ZER1: variants seen among roughly 807,000 people sequenced by gnomAD.
ZER1 encodes the protein protein zer-1 homolog.
ZER1 carries 11 observed loss-of-function variants against 78.8 expected under a neutral mutation model. The ratio of observed to expected loss-of-function variants is 0.14; its 90% CI spans 0.09 to 0.23. The LOEUF is 0.23. Among genes scored for constraint, ZER1 ranks in the 10% least tolerant of loss-of-function variants. The pLI, the probability that ZER1 is intolerant of heterozygous loss-of-function variation, is 1.00. For missense variants in ZER1, 588 were observed against 996.9 expected (o/e 0.59, Z 5.52); for synonymous variants, 400 against 407.0 (o/e 0.98, Z 0.21).
rs766382790 is a variant in ZER1 at position 128,751,887 on chromosome 9, G to C, written c.924-360C>G. Among the ~76,000 whole-genome samples, 133 of 152,172 alleles carry C rather than the reference G, an allele frequency of 8.7e-4. 1 individual carries two copies. The highest frequency in any genetic ancestry group is 1.0e-3 in the Non-Finnish European group (68 of 68,024). ...TATGGGTGGCCAGTTACAGCTGGTA[G>C]GGTTTGGTCAAACTTCTCAACCAAC... On this transcript the variant is annotated intron_variant, in intron 5 of 15. Coordinates refer to ENST00000291900, the MANE Select transcript of ZER1 (RefSeq NM_006336.4). This position sits in a 1 kb window ranked among gnomAD's most constrained non-coding sequence, Gnocchi z 5.4.
chr9:128,766,218 G>A (rs1391783073), intron 1 of ZER1, among the ~76,000 whole-genome samples: 4 of 151,828 alleles, frequency 2.6e-5, no homozygotes, highest in Non-Finnish European at 5.9e-5. Flanking sequence ...GCGTGGTGGC[G>A]GGCGCCTATA....
At position 128,755,220 on chromosome 9, in the gene ZER1, C is replaced by A. The variant is rs1863816914; in HGVS notation, c.158+188G>T. Reference sequence around the variant, plus strand: ...CTCCACACACACACCAACACACACACATATACACCTTTACGGTTATGGATA... The same window carrying A: ...CTCCACACACACACCAACACACACAAATATACACCTTTACGGTTATGGATA... On this transcript the variant is annotated intron_variant, in intron 2 of 15. Transcript: ENST00000291900. This position sits in a 1 kb window ranked among gnomAD's most constrained non-coding sequence, Gnocchi z 5.6. Among the ~76,000 whole-genome samples the A allele has an allele frequency of 6.6e-6, 1 of 152,112 alleles. No homozygotes were observed. The highest frequency in any genetic ancestry group is 2.4e-5 in the African/African-American group (1 of 41,408).
At chr9:128,765,716 A>G (rs1864186274) in intron 1 of ZER1, among the ~76,000 whole-genome samples, 2 of 152,206 alleles carry the variant, frequency 1.3e-5, no homozygotes, top group African/African-American at 4.8e-5. Context: ...TACAGAGGCT[A>G]GACGCTTTCC....
intron 1 of ZER1, among the ~76,000 whole-genome samples, chr9:128,766,347 CAAAA>C (rs1190668112): frequency 3.7e-5 from 2 of 53,434 alleles, no homozygotes; most frequent in Non-Finnish European, 4.4e-5. Context: ...GATTCCATCT[CAAAA>C]AAAAAAAAAA....
At chr9:128,760,811 T>TAA (rs202094907) in intron 1 of ZER1, among the ~76,000 whole-genome samples, 16 of 139,352 alleles carry the variant, frequency 1.1e-4, no homozygotes, top group Admixed American at 3.6e-4. Context: ...AGACTCCGTT[T>TAA]AAAAAAAAAA....
intron 8 of ZER1, 63 bp from the exon 9 acceptor site, chr9:128,742,808 G>A: frequency 6.7e-7 from 1 of 1,503,234 alleles, no homozygotes; most frequent in Non-Finnish European, 9.0e-7. Flanking sequence ...AGGGCTCTAG[G>A]AACTATCTAG....
chr9:128,767,914 G>A (rs1337540165), intron 1 of ZER1, among the ~76,000 whole-genome samples: 1 of 152,102 alleles, frequency 6.6e-6, no homozygotes, highest in East Asian at 1.9e-4. Flanking sequence ...CCAGTGACAG[G>A]GCCTCGGCTC....
chr9:128,734,142 A>ATATATATATATATATATATATATATAT (rs1372132455), intron 14 of ZER1, among the ~76,000 whole-genome samples: 6 of 19,636 alleles, frequency 3.1e-4, no homozygotes, highest in Non-Finnish European at 4.7e-4. Context: ...AAAAAAAAAA[A>ATATATATATATATATATATATATATAT]AAATATATAT....
Position 128,729,996 on chromosome 9 carries a change from G to C in ZER1, c.*1341C>G, listed in dbSNP as rs557106399. On this transcript the variant is annotated 3_prime_UTR_variant, in exon 16 of 16. Transcript: ENST00000291900. ...CACTTCCCAGGGCCGGGAGGGAGAG[G>C]CTCCAGGAGAAAAAGGCCAGGTGTC... The C allele has an allele frequency of 2.6e-5, 4 of 152,494 alleles. No individual in the cohort carries two copies. Among genetic ancestry groups the C allele is most frequent in the African/African-American group, 9.6e-5 (4 of 41,592 alleles). The allele number at this position is 152,494 out of a possible 1,614,324, so 9.4% of individuals were successfully genotyped here. A position where few individuals can be genotyped will look rare whatever the true frequency, so the allele number is the denominator to read the frequency against.
Position 128,754,038 on chromosome 9 carries a change from C to A in ZER1, c.159-79G>T. 2.0e-6 allele frequency: 3 copies of A among 1,507,124 alleles called. No individual in the cohort carries two copies. Among genetic ancestry groups the A allele is most frequent in the East Asian group, 4.9e-5 (2 of 40,468 alleles). The allele number at this position is 1,507,124 out of a possible 1,614,324, so 93.4% of individuals were successfully genotyped here. On this transcript the variant is annotated intron_variant, in intron 2 of 15. Coordinates refer to ENST00000291900, the MANE Select transcript of ZER1 (RefSeq NM_006336.4). This position sits in a 1 kb window ranked among gnomAD's most constrained non-coding sequence, Gnocchi z 4.3. ...GCTTCAAAGCCAAGCCCTCCTCCCC[C>A]TGAAGCTTTCTTGGATCACCCCAAG...
At position 128,750,642 on chromosome 9, in the gene ZER1, C is replaced by G; in HGVS notation, c.1333G>C (p.Gly445Arg). Residue 445 changes from glycine (G) to arginine (R), a missense_variant, in exon 8 of 16, where the codon GGC (glycine) becomes CGC (arginine). By Grantham distance (125) the Gly-to-Arg change is moderately radical. Transcript: ENST00000291900. ...GTCACCTCCTGGTAGGATTCCATGC[C>G]ATTCAGCACCACCTGGATAACCTGC... Reference protein sequence around the residue: ...RRQVIQVVLNGMESYQEVTVQ... With the variant: ...RRQVIQVVLNRMESYQEVTVQ... 6.2e-7 allele frequency: 1 copy of G among 1,614,168 alleles called. No individual in the cohort carries two copies. The highest frequency in any genetic ancestry group is 8.5e-7 in the Non-Finnish European group (1 of 1,180,000).
Position 128,754,940 on chromosome 9 carries a change from C to T in ZER1, c.158+468G>A, listed in dbSNP as rs1488208871. 6.6e-6 allele frequency among the ~76,000 whole-genome samples: 1 copy of T among 152,198 alleles called. No homozygotes were observed. The highest frequency in any genetic ancestry group is 1.5e-5 in the Non-Finnish European group (1 of 68,040). ...CCATTCAGATTTTCTGGATGATTCA[C>T]TCCCTGATCATGGATCCGTTATTCT... On this transcript the variant is annotated intron_variant, in intron 2 of 15. Coordinates refer to ENST00000291900, the MANE Select transcript of ZER1 (RefSeq NM_006336.4). This position sits in a 1 kb window ranked among gnomAD's most constrained non-coding sequence, Gnocchi z 4.3.
chr9:128,755,935 T>C lies in ZER1; in HGVS notation c.-94-276A>G, dbSNP rs538816449. On this transcript the variant is annotated intron_variant, in intron 1 of 15. Coordinates refer to ENST00000291900, the MANE Select transcript of ZER1 (RefSeq NM_006336.4). The surrounding 1 kb of genome is among the most constrained non-coding windows in gnomAD (Gnocchi z 5.6). ...GGACCCAGTGCTTGGGTGGGGATAA[T>C]ACAGATTTTCACTCTTCAGCTTCCC... Among the ~76,000 whole-genome samples, 1 of 152,304 alleles carries C rather than the reference T, an allele frequency of 6.6e-6. No individual in the cohort carries two copies. Among genetic ancestry groups the C allele is most frequent in the East Asian group, 1.9e-4 (1 of 5,180 alleles).
intron 14 of ZER1, 30 bp downstream of exon 14, chr9:128,735,304 T>A (rs1469407005): frequency 4.4e-6 from 7 of 1,591,340 alleles, no homozygotes; most frequent in Non-Finnish European, 6.0e-6. Context: ...GCTGGATGAG[T>A]GTCTGAACCC....
Position 128,742,542 on chromosome 9 carries a change from C to A in ZER1, c.1563G>T (p.Met521Ile). 1 of 1,614,120 alleles carries A rather than the reference C, an allele frequency of 6.2e-7. No individual in the cohort carries two copies. Among genetic ancestry groups the A allele is most frequent in the South Asian group, 1.1e-5 (1 of 91,080 alleles). Reference sequence around the variant, plus strand: ...CCCCCACACGTACCACGACAAAGCCCATCTTGCCCACGGCCTCCTTGTGGT... The same window carrying A: ...CCCCCACACGTACCACGACAAAGCCAATCTTGCCCACGGCCTCCTTGTGGT... ...DNDHKEAVGK[M>I]GFVVTMLKLI... The change falls in exon 9 of 16, where the codon ATG (methionine) becomes ATT (isoleucine). Residue 521 changes from methionine (M) to isoleucine (I), a missense_variant. Physicochemically the swap from Met to Ile is conservative, Grantham distance 10. This residue lies in a region of ZER1 where 60 missense variants were observed against 163.3 expected (regional missense o/e 0.37). Coordinates refer to ENST00000291900, the MANE Select transcript of ZER1 (RefSeq NM_006336.4).
rs991117327 is a variant in ZER1, at chr9:128,733,504, A to T, written c.2165T>A (p.Ile722Asn). 8 of 1,613,470 alleles carry T rather than the reference A, an allele frequency of 5.0e-6. No homozygotes were observed. Among genetic ancestry groups the T allele is most frequent in the Non-Finnish European group, 6.8e-6 (8 of 1,179,898 alleles). ...VYPDKYCPLL[I>N]KEGGMPLLRD... The stretch of plus-strand genomic sequence containing the variant: ...CAGAAGGGGCATCCCCCCTTCTTTG[A>T]TCAGCAGAGGGCAGTACTTGTCCGC... The change falls in exon 15 of 16, where the codon ATC (isoleucine) becomes AAC (asparagine). Residue 722 changes from isoleucine (I) to asparagine (N), a missense_variant. Ile to Asn is a moderately radical substitution (Grantham distance 149). Around this residue, in one of 3 missense-constraint regions of ZER1, gnomAD observed 122 missense variants for 173.5 expected, o/e 0.70. Coordinates refer to ENST00000291900, the MANE Select transcript of ZER1 (RefSeq NM_006336.4).
chr9:128,750,506 G>C (rs1863639152), intron 8 of ZER1, 110 bp downstream of exon 8: 5 of 1,296,082 alleles, frequency 3.9e-6, no homozygotes, highest in Non-Finnish European at 5.3e-6. Context: ...TGTGGGAAAG[G>C]GAGCTGGGAC....
At chr9:128,764,596 G>A (rs1370063908) in intron 1 of ZER1, among the ~76,000 whole-genome samples, 2 of 152,198 alleles carry the variant, frequency 1.3e-5, no homozygotes, top group East Asian at 3.9e-4. Context: ...GGGCTGGAAT[G>A]AGCTGGAAGA....
intron 1 of ZER1, among the ~76,000 whole-genome samples, chr9:128,759,216 G>A (rs1022887221): frequency 1.2e-4 from 18 of 151,810 alleles, no homozygotes; most frequent in Admixed American, 1.1e-3. Context: ...TGTCATCTAG[G>A]CTGGGGTGCA....
Sources: gnomAD v4.1 joint callset for allele counts (sites outside exome capture counted in the v4.1 genomes callset) on GRCh38, gnomAD v4.1.1 for gene constraint, gnomAD v4.1.1 regional missense constraint, Gnocchi (gnomAD v3.1) non-coding constraint, MANE v1.5 for transcripts, NCBI Gene and HGNC (gene_info 2026-07-23, HGNC 2026-07-21) for gene names.